Variants in CHRM3 observed in about 807,000 individuals in gnomAD.
CHRM3 encodes the protein cholinergic receptor muscarinic 3.
Under a neutral mutation model 41.8 loss-of-function variants are expected in CHRM3, and 11 were observed. The observed-to-expected ratio is 0.26, with a 90% confidence interval of 0.17 to 0.44. CHRM3 has a LOEUF of 0.44. Ranked by LOEUF, CHRM3 falls within the 20% of genes least tolerant of loss-of-function variation. CHRM3 has a pLI of 1.00. For missense variants in CHRM3, 571 were observed against 745.4 expected, an observed-to-expected ratio of 0.77 and a Z score of 2.72; for synonymous variants, 297 against 301.4, an observed-to-expected ratio of 0.99 and a Z score of 0.15.
At chr1:239,434,886 G>GAAATTTCCAAATTAATTTAAT (rs1270849149) in intron 1 of CHRM3, among the ~76,000 whole-genome samples, 1 of 152,124 alleles carries the variant, frequency 6.6e-6, no homozygotes, top group Non-Finnish European at 1.5e-5. Context: ...TTGGGAATTT[G>GAAATTTCCAAATTAATTTAAT]AAATTTCCAA....
intron 5 of CHRM3, among the ~76,000 whole-genome samples, chr1:239,823,301 G>A (rs1486903352): frequency 6.6e-6 from 1 of 152,072 alleles, no homozygotes; most frequent in Non-Finnish European, 1.5e-5. Flanking sequence ...AAAACCAATA[G>A]CCTCATAGAA....
At chr1:239,752,368 C>T (rs1381363811) in intron 5 of CHRM3, among the ~76,000 whole-genome samples, 1 of 152,142 alleles carries the variant, frequency 6.6e-6, no homozygotes. Context: ...TTCTTGAGTC[C>T]TCTAAGAGAG....
intron 5 of CHRM3, among the ~76,000 whole-genome samples, chr1:239,690,642 A>C (rs879807286): frequency 6.6e-6 from 1 of 152,234 alleles, no homozygotes; most frequent in Non-Finnish European, 1.5e-5. Context: ...AAGAAAAAAA[A>C]ATTACTTAAA....
At chr1:239,566,683 A>G (rs996423320) in intron 3 of CHRM3, among the ~76,000 whole-genome samples, 3 of 152,218 alleles carry the variant, frequency 2.0e-5, no homozygotes, top group African/African-American at 4.8e-5. Flanking sequence ...TTCTACACAT[A>G]TAAGTTTGGA....
At chr1:239,834,147 A>ATCAC (rs2149112998) in intron 6 of CHRM3, among the ~76,000 whole-genome samples, 1 of 51,178 alleles carries the variant, frequency 2.0e-5, no homozygotes, top group South Asian at 9.7e-4. Flanking sequence ...ATAATTCCAC[A>ATCAC]TCACACACAC....
intron 6 of CHRM3, among the ~76,000 whole-genome samples, chr1:239,844,487 C>T (rs2149188358): frequency 6.6e-6 from 1 of 152,262 alleles, no homozygotes; most frequent in African/African-American, 2.4e-5. Context: ...CACTCAGAGG[C>T]TACATTTAAG....
chr1:239,806,842 T>C (rs1178626860), intron 5 of CHRM3, among the ~76,000 whole-genome samples: 2 of 152,224 alleles, frequency 1.3e-5, no homozygotes, highest in African/African-American at 4.8e-5. Flanking sequence ...CTGGCAATAC[T>C]AGGTGTACTT....
At chr1:239,568,471 C>T (rs1049343772) in intron 3 of CHRM3, among the ~76,000 whole-genome samples, 4 of 152,116 alleles carry the variant, frequency 2.6e-5, no homozygotes, top group Non-Finnish European at 4.4e-5. Flanking sequence ...TTCCCAGCCA[C>T]GTGGAACTAT....
At chr1:239,479,325 C>T (rs532112335) in intron 1 of CHRM3, among the ~76,000 whole-genome samples, 4 of 151,792 alleles carry the variant, frequency 2.6e-5, no homozygotes, top group East Asian at 1.9e-4. Context: ...GCGTTATAGT[C>T]GAAATGCTAT....
intron 5 of CHRM3, among the ~76,000 whole-genome samples, chr1:239,788,418 A>G (rs923139427): frequency 6.6e-6 from 1 of 152,098 alleles, no homozygotes; most frequent in Non-Finnish European, 1.5e-5. Context: ...GTTTCCTTCC[A>G]GTGTCTTCTA....
chr1:239,433,080 A>C (rs1662954427), intron 1 of CHRM3, among the ~76,000 whole-genome samples: 1 of 152,076 alleles, frequency 6.6e-6, no homozygotes, highest in Non-Finnish European at 1.5e-5. Flanking sequence ...CCTCCTATCC[A>C]TGTTTCCATC....
chr1:239,407,886 G>C (rs772182358), intron 1 of CHRM3, among the ~76,000 whole-genome samples: 10 of 152,180 alleles, frequency 6.6e-5, no homozygotes, highest in Non-Finnish European at 1.0e-4. Context: ...AAGTGGAAGA[G>C]GAAGATGGAG....
intron 3 of CHRM3, among the ~76,000 whole-genome samples, chr1:239,622,655 TGGA>T (rs747080599): frequency 2.0e-5 from 3 of 152,158 alleles, no homozygotes; most frequent in Admixed American, 6.5e-5. Flanking sequence ...TGATAAAACT[TGGA>T]GGAGGAGTTG....
chr1:239,456,528 G>A (rs534482695), intron 1 of CHRM3, among the ~76,000 whole-genome samples: 7 of 152,254 alleles, frequency 4.6e-5, no homozygotes, highest in South Asian at 2.1e-4. Flanking sequence ...TCCACTCTAC[G>A]ATGTCGGCGT....
At chr1:239,461,544 GTT>G (rs2147881426) in intron 1 of CHRM3, among the ~76,000 whole-genome samples, 1 of 151,916 alleles carries the variant, frequency 6.6e-6, no homozygotes, top group South Asian at 2.1e-4. Flanking sequence ...TTATGTGTAT[GTT>G]TAACACAGAT....
intron 1 of CHRM3, among the ~76,000 whole-genome samples, chr1:239,392,293 T>C (rs6675386): frequency 0.78 from 118,920 of 152,078 alleles, 48,843 homozygotes; most frequent in Non-Finnish European, 0.91. Context: ...TTGTCTGTCA[T>C]TGTTGGCAGG....
At chr1:239,798,758 C>A (rs1355889762) in intron 5 of CHRM3, among the ~76,000 whole-genome samples, 1 of 152,110 alleles carries the variant, frequency 6.6e-6, no homozygotes, top group Non-Finnish European at 1.5e-5. Flanking sequence ...TCAAAGACTT[C>A]CTGATGTTAA....
intron 4 of CHRM3, among the ~76,000 whole-genome samples, chr1:239,654,051 TCCCAGG>T (rs1408057488): frequency 6.6e-5 from 10 of 152,204 alleles, no homozygotes; most frequent in Non-Finnish European, 2.9e-5. Context: ...AGCCTCAACT[TCCCAGG>T]CTCGAACAGT....
chr1:239,813,240 C>T (rs749832465), intron 5 of CHRM3, among the ~76,000 whole-genome samples: 13 of 151,862 alleles, frequency 8.6e-5, no homozygotes, highest in East Asian at 3.9e-4. Context: ...ATTGTGCCAC[C>T]GCACTCCAGC....
Sources: allele counts gnomAD v4.1 joint callset (sites outside exome capture counted in the v4.1 genomes callset), GRCh38; gene constraint gnomAD v4.1.1; transcripts MANE v1.5; gene names NCBI Gene and HGNC (gene_info 2026-07-23, HGNC 2026-07-21).